Variants in NMI observed in about 807,000 individuals in gnomAD.
The protein encoded by NMI is N-myc-interactor.
Under a neutral mutation model 34.3 loss-of-function variants are expected in NMI, and 39 were observed. The observed-to-expected ratio is 1.14, with a 90% CI of 0.88 to 1.49. The LOEUF is 1.49. Ranked by LOEUF, NMI falls within the 40% of genes most tolerant of loss-of-function variation. The pLI is 0.00. For synonymous variants in NMI, 113 were observed against 120.3 expected (o/e 0.94, Z 0.40); for missense variants, 339 against 358.1 (o/e 0.95, Z 0.43).
intron 1 of NMI, among the ~76,000 whole-genome samples, chr2:151,285,150 G>A (rs1683471830): frequency 6.6e-6 from 1 of 152,018 alleles, no homozygotes; most frequent in African/African-American, 2.4e-5. Context: ...AGGGACATGG[G>A]GACCCAACTG....
At chr2:151,284,231 T>C (rs1453027441) in intron 1 of NMI, among the ~76,000 whole-genome samples, 1 of 151,968 alleles carries the variant, frequency 6.6e-6, no homozygotes, top group Non-Finnish European at 1.5e-5. Flanking sequence ...TGGTGCCAGG[T>C]GCCTATAATC....
intron 2 of NMI, among the ~76,000 whole-genome samples, chr2:151,282,592 A>C (rs577525099): frequency 6.6e-6 from 1 of 152,324 alleles, no homozygotes; most frequent in Non-Finnish European, 1.5e-5. Context: ...CTAATGAGAT[A>C]ATTGCTGACT....
chr2:151,287,783 G>A (rs1348920796), intron 1 of NMI, among the ~76,000 whole-genome samples: 1 of 152,142 alleles, frequency 6.6e-6, no homozygotes, highest in African/African-American at 2.4e-5. Context: ...GACATTCAGA[G>A]CACTTTCTCA....
intron 3 of NMI, 22 bp downstream of exon 3, chr2:151,281,926 T>C (rs750667904): frequency 1.6e-5 from 19 of 1,170,550 alleles, no homozygotes; most frequent in East Asian, 9.4e-5. Context: ...AAATGTAGTA[T>C]ATAAAATAAT....
At chr2:151,287,433 C>A (rs888011399) in intron 1 of NMI, among the ~76,000 whole-genome samples, 4 of 152,042 alleles carry the variant, frequency 2.6e-5, no homozygotes, top group Non-Finnish European at 5.9e-5. Context: ...TACATTCTAA[C>A]TCCAACTCAC....
intron 3 of NMI, among the ~76,000 whole-genome samples, chr2:151,280,444 T>C (rs1200363564): frequency 6.6e-6 from 1 of 152,180 alleles, no homozygotes; most frequent in African/African-American, 2.4e-5. Flanking sequence ...AACTTCTGAT[T>C]ACGGTAAGGC....
chr2:151,283,594 A>G (rs796800131), intron 1 of NMI, among the ~76,000 whole-genome samples: 4 of 152,324 alleles, frequency 2.6e-5, no homozygotes, highest in African/African-American at 9.6e-5. Flanking sequence ...AATGAATACT[A>G]TTTTGGTTTT....
intron 1 of NMI, among the ~76,000 whole-genome samples, chr2:151,287,141 A>G (rs1056171840): frequency 1.3e-5 from 2 of 151,990 alleles, no homozygotes; most frequent in African/African-American, 4.8e-5. Context: ...GGAAATATAT[A>G]CTCAAGTATA....
intron 3 of NMI, among the ~76,000 whole-genome samples, chr2:151,280,848 A>AT (rs11461986): frequency 0.62 from 91,850 of 148,528 alleles, 28,700 homozygotes; most frequent in African/African-American, 0.74. Context: ...CAATGCTTTA[A>AT]TTTTTTTTTT....
At position 151,275,751 on chromosome 2, in the gene NMI, C is replaced by T. The variant is rs968403283; in HGVS notation, c.447+7G>A. 2.5e-6 allele frequency: 4 copies of T among 1,611,248 alleles called. No individual in the cohort carries two copies. The highest frequency in any genetic ancestry group is 3.3e-5 in the Admixed American group (2 of 59,908). ...AGAAATCCAAAAAATTTTAATCATCCTGTTACCTGGAATCTGACTCCTGAA... is the reference window on the plus strand; with the variant it reads ...AGAAATCCAAAAAATTTTAATCATCTTGTTACCTGGAATCTGACTCCTGAA... On this transcript the variant is annotated splice_region_variant and intron_variant, in intron 5 of 7. Coordinates refer to ENST00000243346, the MANE Select transcript of NMI (RefSeq NM_004688.3).
At chr2:151,275,354 GT>G in intron 6 of NMI, 129 bp downstream of exon 6, 2 of 816,364 alleles carry the variant, frequency 2.4e-6, no homozygotes, top group East Asian at 2.6e-5. Flanking sequence ...ATTTTATAAG[GT>G]TTTTTAAAAT....
chr2:151,283,240 A>G (rs1470195619), intron 1 of NMI, among the ~76,000 whole-genome samples: 1 of 151,952 alleles, frequency 6.6e-6, no homozygotes, highest in Non-Finnish European at 1.5e-5. Flanking sequence ...TCCCAGGTTC[A>G]AGTGATTCCC....
chr2:151,272,313 A>ATGTGTGTT (rs1683203400), intron 6 of NMI, among the ~76,000 whole-genome samples: 2 of 152,166 alleles, frequency 1.3e-5, no homozygotes, highest in Non-Finnish European at 2.9e-5. Context: ...GTGTGTCAAG[A>ATGTGTGTT]CTGTAACATT....
At chr2:151,283,453 C>G (rs1422453788) in intron 1 of NMI, among the ~76,000 whole-genome samples, 1 of 152,088 alleles carries the variant, frequency 6.6e-6, no homozygotes, top group African/African-American at 2.4e-5. Context: ...TTTCAAATAA[C>G]TTTCACACCT....
At position 151,275,977 on chromosome 2, in the gene NMI, G is replaced by C. The variant is rs138236759; in HGVS notation, c.341-113C>G. The C allele has an allele frequency of 7.8e-3, 5,639 of 723,588 alleles. 48 individuals carry two copies. Among genetic ancestry groups the C allele is most frequent in the Non-Finnish European group, 9.9e-3 (4,519 of 456,034 alleles). The allele number at this position is 723,588 out of a possible 1,614,324, so 44.8% of individuals were successfully genotyped here. ...TTTTTAATTTTCTTTAATATTAAAG[G>C]GTCTAATTTTAAAAATTTGGCGGGC... On this transcript the variant is annotated intron_variant, in intron 4 of 7. Coordinates refer to ENST00000243346, the MANE Select transcript of NMI (RefSeq NM_004688.3).
At chr2:151,279,099 A>T in intron 3 of NMI, 109 bp from the exon 4 acceptor site, 2 of 696,152 alleles carry the variant, frequency 2.9e-6, no homozygotes, top group Non-Finnish European at 2.4e-6. Flanking sequence ...CTAATTTTAG[A>T]ACCTTGTAGA....
chr2:151,278,653 C>T (rs1426808651), intron 4 of NMI, 175 bp downstream of exon 4: 1 of 564,902 alleles, frequency 1.8e-6, no homozygotes, highest in African/African-American at 1.9e-5. Flanking sequence ...ATTCAAGGCA[C>T]TTGTCTCAGA....
chr2:151,275,977 G>T, intron 4 of NMI, 113 bp from the exon 5 acceptor site: 2 of 723,630 alleles, frequency 2.8e-6, no homozygotes, highest in South Asian at 4.2e-5. Context: ...AATATTAAAG[G>T]GTCTAATTTT....
intron 4 of NMI, 35 bp from the exon 5 acceptor site, chr2:151,275,899 C>T (rs776474875): frequency 7.8e-7 from 1 of 1,288,828 alleles, no homozygotes; most frequent in Non-Finnish European, 1.1e-6. Context: ...TATTAATTTC[C>T]AATATTTTAA....
Sources: gnomAD v4.1 joint callset for allele counts (sites outside exome capture counted in the v4.1 genomes callset) on GRCh38, gnomAD v4.1.1 for gene constraint, MANE v1.5 for transcripts, NCBI Gene and HGNC (gene_info 2026-07-23, HGNC 2026-07-21) for gene names.